Variants in AKAP9 observed in about 807,000 individuals in gnomAD.
AKAP9 encodes the protein A-kinase anchoring protein 9, also known as A-kinase anchor protein 9.
AKAP9 carries 311 observed loss-of-function variants against 488.5 expected under a neutral mutation model. The observed-to-expected ratio is 0.64, with a 90% CI of 0.58 to 0.70. The LOEUF (loss-of-function observed/expected upper bound fraction) is 0.70, where lower values mean the gene tolerates loss of function less well. Ranked by LOEUF, AKAP9 falls within the 30% of genes least tolerant of loss-of-function variation. The pLI is 0.00. For synonymous variants in AKAP9, 1,462 were observed against 1,483.5 expected (o/e 0.99, Z 0.33); for missense variants, 4,215 against 4,374.5 (o/e 0.96, Z 1.03).
intron 5 of AKAP9, among the ~76,000 whole-genome samples, 160 bp downstream of exon 5, chr7:91,993,215 G>C (rs13237571): frequency 6.8e-6 from 1 of 147,926 alleles, no homozygotes; most frequent in Admixed American, 6.8e-5. Flanking sequence ...TCCATACAGG[G>C]TCTTGCTCTG....
intron 1 of AKAP9, among the ~76,000 whole-genome samples, chr7:91,967,358 A>G (rs1310851783): frequency 6.6e-6 from 1 of 152,124 alleles, no homozygotes; most frequent in East Asian, 1.9e-4. Context: ...ATGTTGCATG[A>G]AAGTGGACCT....
chr7:92,108,010 T>G (rs12704635), intron 48 of AKAP9: 66,573 of 164,594 alleles, frequency 0.4, 13,726 homozygotes, highest in African/African-American at 0.5. Context: ...CAAAGCAAGA[T>G]TTGGTCTCCA....
At chr7:91,942,560 G>A (rs966320204) in intron 1 of AKAP9, among the ~76,000 whole-genome samples, 2 of 152,258 alleles carry the variant, frequency 1.3e-5, no homozygotes, top group Admixed American at 6.5e-5. Context: ...CCCTCCAAAA[G>A]CATTGAAGAT....
chr7:92,106,478 T>A (rs1258177024), intron 47 of AKAP9, among the ~76,000 whole-genome samples: 1 of 152,220 alleles, frequency 6.6e-6, no homozygotes, highest in Non-Finnish European at 1.5e-5. Flanking sequence ...GCCCACACTC[T>A]TCATAACTGC....
chr7:92,071,154 G>A (rs1042325396), intron 28 of AKAP9, 145 bp downstream of exon 28: 2 of 748,038 alleles, frequency 2.7e-6, no homozygotes, highest in African/African-American at 3.5e-5. Flanking sequence ...AATTGACCTT[G>A]AAGGCAGTAA....
At chr7:92,008,446 G>T (rs1800233186) in intron 8 of AKAP9, among the ~76,000 whole-genome samples, 1 of 152,166 alleles carries the variant, frequency 6.6e-6, no homozygotes, top group African/African-American at 2.4e-5. Flanking sequence ...CCAGCACTTT[G>T]GTAGGCCGAG....
chr7:92,041,277 T>TTA, intron 18 of AKAP9: 1 of 179,838 alleles, frequency 5.6e-6, no homozygotes, highest in South Asian at 1.4e-4. Flanking sequence ...AGGTGCTCCA[T>TTA]TATGCAGTTA....
intron 3 of AKAP9, 40 bp downstream of exon 3, chr7:91,980,373 A>G (rs777681728): frequency 3.0e-6 from 3 of 986,952 alleles, no homozygotes; most frequent in Non-Finnish European, 4.5e-6. Flanking sequence ...TCATAAATGT[A>G]TATTTATATT....
chr7:91,997,303 T>C (rs1210549341), intron 7 of AKAP9, among the ~76,000 whole-genome samples: 1 of 152,150 alleles, frequency 6.6e-6, no homozygotes, highest in African/African-American at 2.4e-5. Context: ...GGGATAAGTG[T>C]GGGCAAAAAG....
At chr7:92,060,923 C>A (rs1431800188) in intron 22 of AKAP9, among the ~76,000 whole-genome samples, 22 of 152,012 alleles carry the variant, frequency 1.4e-4, no homozygotes, top group Admixed American at 1.4e-3. Context: ...TTGGCAAATA[C>A]AATAAACGCC....
chr7:92,093,864 G>A (rs1186739362), intron 39 of AKAP9, among the ~76,000 whole-genome samples: 7 of 150,970 alleles, frequency 4.6e-5, no homozygotes, highest in African/African-American at 1.7e-4. Flanking sequence ...TTATTTAATT[G>A]TTTTGAGATG....
At chr7:91,998,269 T>TG (rs1389626657) in intron 7 of AKAP9, among the ~76,000 whole-genome samples, 1 of 151,948 alleles carries the variant, frequency 6.6e-6, no homozygotes, top group Non-Finnish European at 1.5e-5. Context: ...ACCTGGAGGT[T>TG]GGGGACCCCT....
chr7:92,048,187 C>CAA (rs1175707321), intron 21 of AKAP9, among the ~76,000 whole-genome samples: 1 of 151,876 alleles, frequency 6.6e-6, no homozygotes, highest in Non-Finnish European at 1.5e-5. Context: ...TTTAGTATAA[C>CAA]AAAAAAATTA....
chr7:92,070,709 A>G (rs535885506), intron 27 of AKAP9, among the ~76,000 whole-genome samples, 196 bp from the exon 28 acceptor site: 2 of 151,650 alleles, frequency 1.3e-5, no homozygotes, highest in South Asian at 2.1e-4. Context: ...TGCTGGGATT[A>G]CAGGCGTGAG....
intron 7 of AKAP9, among the ~76,000 whole-genome samples, chr7:91,996,798 G>A (rs145372500): frequency 4.2e-3 from 644 of 152,256 alleles, no homozygotes; most frequent in Middle Eastern, 0.017. Flanking sequence ...AAATTACCAA[G>A]ACAAGAATAT....
intron 3 of AKAP9, among the ~76,000 whole-genome samples, chr7:91,987,419 C>G (rs553366052): frequency 6.9e-6 from 1 of 145,302 alleles, no homozygotes; most frequent in African/African-American, 2.6e-5. Flanking sequence ...AATTCTATCT[C>G]GAAAAAAAAA....
chr7:91,979,452 A>G (rs916453211), intron 2 of AKAP9, among the ~76,000 whole-genome samples: 1 of 152,166 alleles, frequency 6.6e-6, no homozygotes, highest in African/African-American at 2.4e-5. Context: ...CCCAAAACAC[A>G]TGGGAATTAT....
In AKAP9 at chr7:92,080,102, C is replaced by G. The variant is rs1813260644; in HGVS notation, c.7969C>G (p.Gln2657Glu). The stretch of plus-strand genomic sequence containing the variant: ...GCTATTGGAGGGCAATGAGAAAAAA[C>G]AGAGAGAGAAAGAAAAGAAAAGAAG... ...QKLLEGNEKK[Q>E]REKEKKRSPQ... is the part of the protein sequence containing the mutation. Residue 2657 changes from glutamine (Q) to glutamate (E), a missense_variant, in exon 31 of 50, where the codon CAG becomes GAG. Around this residue, in one of 5 missense-constraint regions of AKAP9, gnomAD observed 1,476 missense variants for 1,477.4 expected, o/e 1.00. Transcript: ENST00000356239. 6.3e-7 allele frequency: 1 copy of G among 1,592,022 alleles called. No homozygotes were observed. The highest frequency in any genetic ancestry group is 1.1e-5 in the South Asian group (1 of 87,900).
intron 21 of AKAP9, among the ~76,000 whole-genome samples, chr7:92,046,208 G>T (rs1806969181): frequency 2.0e-5 from 3 of 152,046 alleles, no homozygotes; most frequent in Admixed American, 2.0e-4. Flanking sequence ...TTTCCTTGTA[G>T]GAGAGGGAAA....
Sources: gnomAD v4.1 joint callset for allele counts (sites outside exome capture counted in the v4.1 genomes callset) on GRCh38, gnomAD v4.1.1 for gene constraint, gnomAD v4.1.1 regional missense constraint, MANE v1.5 for transcripts, NCBI Gene and HGNC (gene_info 2026-07-23, HGNC 2026-07-21) for gene names.